The following GALNT13 variants were observed in gnomAD, a reference collection of about 807,000 sequenced individuals.
The protein encoded by GALNT13 is UDP-GalNAc:polypeptide N-acetylgalactosaminyltransferase 13.
In GALNT13, 28 loss-of-function variants were observed where a neutral mutation model predicts 64.2. The ratio of observed to expected loss-of-function variants is 0.44; its 90% CI spans 0.32 to 0.60. GALNT13 has a LOEUF of 0.60. Among genes scored for constraint, GALNT13 ranks in the 20% least tolerant of loss-of-function variants. The probability of loss-of-function intolerance (pLI) is 0.05; values close to 1 mark genes in which losing one functional copy is unlikely to be tolerated. For synonymous variants in GALNT13, 214 were observed against 224.6 expected (o/e 0.95, Z 0.42); for missense variants, 577 against 669.8 (o/e 0.86, Z 1.53).
chr2:153,172,182 T>C, the GALNT13 span: 4 of 152,234 alleles, frequency 2.6e-5, no homozygotes, highest in African/African-American at 9.7e-5. Context: ...TTTGATATCC[T>C]AGCCTAGTAT....
the GALNT13 span, among the ~76,000 whole-genome samples, chr2:153,852,524 G>T: frequency 1.3e-5 from 2 of 152,062 alleles, no homozygotes; most frequent in East Asian, 3.9e-4. Flanking sequence ...AAAATGTATA[G>T]AACTAAATGA....
At chr2:153,520,351 G>T in the GALNT13 span, among the ~76,000 whole-genome samples, 2 of 152,036 alleles carry the variant, frequency 1.3e-5, no homozygotes, top group African/African-American at 2.4e-5. Context: ...TGATCTCAGG[G>T]CATCATTTGA....
chr2:153,074,751 AT>A, the GALNT13 span, among the ~76,000 whole-genome samples: 6 of 152,158 alleles, frequency 3.9e-5, no homozygotes, highest in African/African-American at 1.4e-4. Context: ...ATTGATTATT[AT>A]TTTTGGAGAT....
At position 154,152,720 on chromosome 2, in the gene GALNT13, C is replaced by T. The variant is rs565720490; in HGVS notation, c.311+12215C>T. Among the ~76,000 whole-genome samples, 11 of 152,330 alleles carry T rather than the reference C, an allele frequency of 7.2e-5. 1 individual carries two copies. In the South Asian group the frequency reaches 2.3e-3, roughly 32 times the overall value. ...TGATACTCTTTCTTCCAGTTGATCGCATCGGCTCCTGACACTTCTGCATTC... is the reference window on the plus strand; with the variant it reads ...TGATACTCTTTCTTCCAGTTGATCGTATCGGCTCCTGACACTTCTGCATTC... On this transcript the variant is annotated intron_variant, in intron 4 of 12. Transcript: ENST00000392825.
At chr2:154,023,919 G>T (rs1226100915) in intron 3 of GALNT13, among the ~76,000 whole-genome samples, 1 of 147,160 alleles carries the variant, frequency 6.8e-6, no homozygotes, top group East Asian at 2.0e-4. Context: ...GCATTTGCTT[G>T]TCTGTAAAGT....
the GALNT13 span, among the ~76,000 whole-genome samples, chr2:153,702,587 T>C: frequency 1.3e-5 from 2 of 152,024 alleles, no homozygotes; most frequent in Admixed American, 1.3e-4. Flanking sequence ...ACAAGATCGA[T>C]TGATGGACTG....
chr2:153,565,190 A>G, the GALNT13 span, among the ~76,000 whole-genome samples: 110,003 of 152,006 alleles, frequency 0.72, 40,045 homozygotes, highest in East Asian at 0.86. Context: ...GCTATTTATT[A>G]TGCATCCATA....
chr2:154,442,572 T>C (rs960904401), intron 12 of GALNT13, among the ~76,000 whole-genome samples: 1 of 152,014 alleles, frequency 6.6e-6, no homozygotes, highest in East Asian at 1.9e-4. Context: ...CAGGATTAAA[T>C]GAAGAGAAAA....
the GALNT13 span, among the ~76,000 whole-genome samples, chr2:153,714,377 G>A: frequency 1.3e-5 from 2 of 152,084 alleles, no homozygotes. Flanking sequence ...GCATGTATAT[G>A]GGTATCATGT....
intron 3 of GALNT13, among the ~76,000 whole-genome samples, chr2:154,077,041 A>G (rs1701024728): frequency 6.6e-6 from 1 of 151,680 alleles, no homozygotes; most frequent in Admixed American, 6.6e-5. Flanking sequence ...AGGCCAAATA[A>G]TAGTTGTAAA....
Position 154,232,869 on chromosome 2 carries a change from C to CA in GALNT13, c.312-9147dup, listed in dbSNP as rs536022439. Reference sequence around the variant, plus strand: ...GCAACATTGTGAGACTTTGTCGCTACAAAAAAAAAAAAAATTACAAAAATA... The same window carrying CA: ...GCAACATTGTGAGACTTTGTCGCTACAAAAAAAAAAAAAAATTACAAAAATA... On this transcript the variant is annotated intron_variant, in intron 4 of 12. Transcript: ENST00000392825. 9.8e-3 allele frequency among the ~76,000 whole-genome samples: 1,167 copies of CA among 119,660 alleles called. 10 individuals carry two copies. The highest frequency in any genetic ancestry group is 0.03 in the African/African-American group (970 of 32,348). 78.5% of individuals were successfully genotyped at this position (119,660 alleles called of 152,430 possible). A position where few individuals can be genotyped will look rare whatever the true frequency, so the allele number is the denominator to read the frequency against.
chr2:153,526,792 G>T, the GALNT13 span, among the ~76,000 whole-genome samples: 1 of 152,004 alleles, frequency 6.6e-6, no homozygotes, highest in Admixed American at 6.6e-5. Flanking sequence ...TCAAATTCAA[G>T]ATAACACAGA....
At chr2:153,679,682 C>A in the GALNT13 span, among the ~76,000 whole-genome samples, 1 of 151,908 alleles carries the variant, frequency 6.6e-6, no homozygotes, top group Admixed American at 6.6e-5. Context: ...TTCCACCAAT[C>A]TTCCACCTTT....
the GALNT13 span, among the ~76,000 whole-genome samples, chr2:153,096,645 C>A: frequency 1.3e-4 from 20 of 151,932 alleles, no homozygotes; most frequent in Non-Finnish European, 7.4e-5. Flanking sequence ...ATGGTTTTGG[C>A]CTTGGAATCT....
chr2:153,362,200 T>G, the GALNT13 span, among the ~76,000 whole-genome samples: 28,939 of 152,068 alleles, frequency 0.19, 2,908 homozygotes, highest in South Asian at 0.25. Flanking sequence ...AGGCCTGCCT[T>G]GCAAGAGCTC....
the GALNT13 span, among the ~76,000 whole-genome samples, chr2:153,396,569 A>C: frequency 5.9e-5 from 9 of 152,164 alleles, no homozygotes; most frequent in Middle Eastern, 3.4e-3. Flanking sequence ...AATAATCAGC[A>C]TACATAAGCA....
At chr2:154,249,340 A>G (rs929075859) in intron 7 of GALNT13, among the ~76,000 whole-genome samples, 1 of 152,184 alleles carries the variant, frequency 6.6e-6, no homozygotes, top group African/African-American at 2.4e-5. Flanking sequence ...CACTGGCCAC[A>G]GGTATGCTCG....
the GALNT13 span, among the ~76,000 whole-genome samples, chr2:153,232,895 T>A: frequency 6.6e-6 from 1 of 152,148 alleles, no homozygotes; most frequent in Non-Finnish European, 1.5e-5. Context: ...CTGGTTGGGA[T>A]CCCAGGGCTG....
chr2:153,537,664 A>G, the GALNT13 span, among the ~76,000 whole-genome samples: 4 of 152,064 alleles, frequency 2.6e-5, no homozygotes, highest in African/African-American at 9.7e-5. Context: ...GTGGGAAGGG[A>G]TTCGCTTGTG....
Sources: allele counts gnomAD v4.1 joint callset (sites outside exome capture counted in the v4.1 genomes callset), GRCh38; gene constraint gnomAD v4.1.1; transcripts MANE v1.5; gene names NCBI Gene and HGNC (gene_info 2026-07-23, HGNC 2026-07-21).